The following TRIM14 variants were observed in gnomAD, a reference collection of about 807,000 sequenced individuals.
TRIM14 encodes tripartite motif-containing protein 14.
TRIM14 carries 28 observed loss-of-function variants against 44.5 expected under a neutral mutation model. The ratio of observed to expected loss-of-function variants is 0.63; its 90% CI spans 0.47 to 0.86. TRIM14 has a LOEUF of 0.86. TRIM14 is among the 40% of genes least tolerant of loss of function. The pLI, the probability that TRIM14 is intolerant of heterozygous loss-of-function variation, is 0.00. For missense variants in TRIM14, 607 were observed against 611.1 expected (o/e 0.99, Z 0.07); for synonymous variants, 299 against 269.2 (o/e 1.11, Z -1.08).
chr9:98,063,896 G>A, the TRIM14 span, among the ~76,000 whole-genome samples: 1 of 151,734 alleles, frequency 6.6e-6, no homozygotes, highest in East Asian at 1.9e-4. Context: ...CTCTGTTTGG[G>A]GTTGTTTCCT....
the TRIM14 span, chr9:98,061,039 C>CAAGG: frequency 3.8e-6 from 6 of 1,592,726 alleles, no homozygotes; most frequent in Non-Finnish European, 2.6e-6. Flanking sequence ...TTTAGCAGAC[C>CAAGG]AAGGGTCAGC....
chr9:98,066,653 A>ATT (rs35815359), downstream of TRIM14, among the ~76,000 whole-genome samples: 391 of 143,506 alleles, frequency 2.7e-3, 1 homozygote, highest in African/African-American at 8.0e-3. Flanking sequence ...CCACTTACCG[A>ATT]TTTTTTTTTT....
At chr9:98,080,697 G>T, downstream of TRIM14, 1 of 1,120,000 alleles carries the variant, frequency 8.9e-7, no homozygotes. Context: ...TCAGTATCTT[G>T]CCCCTGGCTG....
chr9:98,088,143 T>C, intron 5 of TRIM14, 138 bp from the exon 6 acceptor site: 1 of 992,248 alleles, frequency 1.0e-6, no homozygotes, highest in Non-Finnish European at 1.4e-6. Flanking sequence ...ACAGACCCCT[T>C]TAAACCGCGA....
intron 2 of TRIM14, among the ~76,000 whole-genome samples, chr9:98,102,496 C>T (rs565736168): frequency 1.5e-4 from 23 of 152,100 alleles, no homozygotes; most frequent in Admixed American, 1.0e-3. Context: ...TAATTTATAG[C>T]GATTACAAAG....
rs1474547420 is a variant in TRIM14 at position 98,100,001 on chromosome 9, T to G, written c.467A>C (p.Asp156Ala). The change falls in exon 3 of 6, where the codon GAC becomes GCC. Residue 156 changes from aspartate to alanine, a missense_variant. This residue lies in a region of TRIM14 where 246 missense variants were observed against 270.8 expected (regional missense o/e 0.91). Coordinates refer to ENST00000341469, the MANE Select transcript of TRIM14 (RefSeq NM_014788.4). ...EQADSCREQL[D>A]IMNDLSNRVW... ...CCTGTTGGAGAGATCATTCATGATG[T>G]CAAGTTGCTCTCTGCAAGAGTCAGC... 1 of 1,614,188 alleles carries G rather than the reference T, an allele frequency of 6.2e-7. No homozygotes were observed. Among genetic ancestry groups the G allele is most frequent in the Non-Finnish European group, 8.5e-7 (1 of 1,180,038 alleles).
chr9:98,039,210 G>T, the TRIM14 span, among the ~76,000 whole-genome samples: 1 of 152,096 alleles, frequency 6.6e-6, no homozygotes, highest in Admixed American at 6.6e-5. Context: ...GAGTGCAGTA[G>T]CATGTCACGG....
chr9:98,111,056 C>A lies in TRIM14; in HGVS notation c.208-1072G>T, dbSNP rs12376217. ...AACAGAGTGAGACCCTGTCCCCCCC[C>A]CCAAAAAAAAACAATTATCAGGTGC... On this transcript the variant is annotated intron_variant, in intron 1 of 5. Coordinates refer to ENST00000341469, the MANE Select transcript of TRIM14 (RefSeq NM_014788.4). Among the ~76,000 whole-genome samples the A allele has an allele frequency of 9.3e-5, 14 of 150,622 alleles. No individual in the cohort carries two copies. The East Asian group carries it at 9.8e-4, about 11-fold the overall frequency.
chr9:98,095,112 C>G lies in TRIM14; in HGVS notation c.538-83G>C, dbSNP rs1826139169. The G allele has an allele frequency of 6.7e-7, 1 of 1,501,702 alleles. No individual in the cohort carries two copies. Among genetic ancestry groups the G allele is most frequent in the Admixed American group, 2.1e-5 (1 of 47,224 alleles). The allele number at this position is 1,501,702 out of a possible 1,614,324, so 93.0% of individuals were successfully genotyped here. The stretch of plus-strand genomic sequence containing the variant: ...TCCTGTGCTGCACCCAGGAACAAAC[C>G]CACACCAGCATGCCCAGGCTCCACG... On this transcript the variant is annotated intron_variant, in intron 3 of 5. Transcript: ENST00000341469. This position sits in a 1 kb window ranked among gnomAD's most constrained non-coding sequence, Gnocchi z 4.1.
At chr9:98,094,003 C>A (rs929064520) in intron 4 of TRIM14, among the ~76,000 whole-genome samples, 102 of 152,308 alleles carry the variant, frequency 6.7e-4, no homozygotes, top group African/African-American at 2.4e-3. Context: ...CTCGGCCTCC[C>A]AAAGTGCTGG....
At chr9:98,101,601 T>C (rs1451399260) in intron 2 of TRIM14, among the ~76,000 whole-genome samples, 1 of 151,870 alleles carries the variant, frequency 6.6e-6, no homozygotes, top group East Asian at 2.0e-4. Flanking sequence ...TTTGTATTTT[T>C]AGCAGAGACA....
the TRIM14 span, chr9:98,060,746 G>T: frequency 6.2e-6 from 10 of 1,601,448 alleles, no homozygotes; most frequent in South Asian, 1.1e-5. Context: ...GAGAATCTAC[G>T]ACAGTCACTG....
At chr9:98,036,798 C>T in the TRIM14 span, among the ~76,000 whole-genome samples, 5 of 152,040 alleles carry the variant, frequency 3.3e-5, no homozygotes, top group East Asian at 1.9e-4. Context: ...GAGTGAAACT[C>T]GGTCTCAAAA....
At position 98,076,557 on chromosome 9, in the gene TRIM14, T is replaced by G. The variant is rs187107444; in HGVS notation, c.*29-6870A>C. The G allele has an allele frequency of 3.3e-3, 681 of 205,622 alleles. 2 individuals are homozygous for G. Among genetic ancestry groups the G allele is most frequent in the African/African-American group, 0.015 (635 of 41,968 alleles). 12.7% of individuals were successfully genotyped at this position (205,622 alleles called of 1,614,324 possible). ...ACCCGGCTAATTTTTATATTTTTAGTAGAGACGGGGTTTCACCATGTTGGT... is the reference window on the plus strand; with the variant it reads ...ACCCGGCTAATTTTTATATTTTTAGGAGAGACGGGGTTTCACCATGTTGGT... On this transcript the variant is annotated intron_variant, in intron 6 of 6. Coordinates refer to the TRIM14 transcript ENST00000375098.
downstream of TRIM14, among the ~76,000 whole-genome samples, chr9:98,079,814 G>A (rs1829772585): frequency 6.6e-6 from 1 of 152,198 alleles, no homozygotes. Flanking sequence ...CCTGCACATA[G>A]TACAGTGGTT....
rs146299491 is a variant in TRIM14 at position 98,078,326 on chromosome 9, C to T, written c.*29-8639G>A. On this transcript the variant is annotated intron_variant, in intron 6 of 6. Coordinates refer to the TRIM14 transcript ENST00000375098. Reference sequence around the variant, plus strand: ...GCGCATACCCGCTCCAGCCTGAGGACGTCAACCTGCGGGTCATCTCGGTGA... The same window carrying T: ...GCGCATACCCGCTCCAGCCTGAGGATGTCAACCTGCGGGTCATCTCGGTGA... 6.2e-6 allele frequency: 10 copies of T among 1,613,830 alleles called. No individual in the cohort carries two copies. In the African/African-American group the frequency reaches 8.0e-5, roughly 13 times the overall value.
intron 1 of TRIM14, among the ~76,000 whole-genome samples, chr9:98,116,431 C>G (rs891381530): frequency 6.6e-6 from 1 of 152,174 alleles, no homozygotes. Context: ...CTAGGAACCT[C>G]AAGATATTTT....
chr9:98,106,504 G>A (rs1826616710), intron 2 of TRIM14, among the ~76,000 whole-genome samples: 1 of 152,208 alleles, frequency 6.6e-6, no homozygotes, highest in Non-Finnish European at 1.5e-5. Flanking sequence ...CAGGCATAGG[G>A]TGGCAATATC....
chr9:98,083,082 C>T (rs902883749), downstream of TRIM14: 6 of 1,606,196 alleles, frequency 3.7e-6, no homozygotes, highest in East Asian at 6.7e-5. Context: ...TCTGAATTCT[C>T]AGTTCCCTTG....
Sources: gnomAD v4.1 joint callset for allele counts (sites outside exome capture counted in the v4.1 genomes callset) on GRCh38, gnomAD v4.1.1 for gene constraint, gnomAD v4.1.1 regional missense constraint, Gnocchi (gnomAD v3.1) non-coding constraint, MANE v1.5 for transcripts, NCBI Gene and HGNC (gene_info 2026-07-23, HGNC 2026-07-21) for gene names.